MAST4: variants seen among roughly 807,000 people sequenced by gnomAD.
MAST4 encodes the protein microtubule-associated serine/threonine-protein kinase 4.
MAST4 carries 89 observed loss-of-function variants against 162.7 expected under a neutral mutation model. The observed-to-expected ratio is 0.55, with a 90% CI of 0.46 to 0.65. The LOEUF (loss-of-function observed/expected upper bound fraction) is 0.65. MAST4 is among the 30% of genes least tolerant of loss of function. MAST4 has a pLI of 0.00. For synonymous variants in MAST4, 1,479 were observed against 1,361.1 expected, an observed-to-expected ratio of 1.09 and a Z score of -1.91; for missense variants, 3,153 against 3,374.0, an observed-to-expected ratio of 0.93 and a Z score of 1.62.
intron 3 of MAST4, among the ~76,000 whole-genome samples, chr5:66,849,569 G>A (rs1244864364): frequency 6.6e-6 from 1 of 152,060 alleles, no homozygotes; most frequent in Non-Finnish European, 1.5e-5. Flanking sequence ...CCAGGGTAAG[G>A]CGTTCCTTCT....
intron 1 of MAST4, among the ~76,000 whole-genome samples, chr5:66,739,555 C>T (rs1366591971): frequency 6.6e-6 from 1 of 152,162 alleles, no homozygotes. Flanking sequence ...TCTCTTCACT[C>T]CCCCTCAACA....
chr5:66,699,013 A>G lies in MAST4; in HGVS notation c.364-60696A>G, dbSNP rs1305051934. ...TTGTTTAAAGTATAAACCAGTTTATATCATTTCTCTGCTTAGAATCTATTG... is the reference window on the plus strand; with the variant it reads ...TTGTTTAAAGTATAAACCAGTTTATGTCATTTCTCTGCTTAGAATCTATTG... On this transcript the variant is annotated intron_variant, in intron 1 of 28. Transcript: ENST00000403625. 3.9e-5 allele frequency among the ~76,000 whole-genome samples: 6 copies of G among 152,340 alleles called. No homozygotes were observed. In the East Asian group the frequency reaches 9.7e-4, roughly 25 times the overall value.
intron 3 of MAST4, among the ~76,000 whole-genome samples, chr5:66,837,914 T>C (rs1758137856): frequency 7.8e-6 from 1 of 128,454 alleles, no homozygotes; most frequent in Non-Finnish European, 1.7e-5. Context: ...TTTTTTTTTT[T>C]TTTAATGTGG....
rs551778518 is a variant in MAST4 at position 66,796,283 on chromosome 5, C to T, written c.642+7489C>T. ...ATTAGTAGGCATGTGAAGGGTATTG[C>T]GATTCGGTCTAAGAACGAGTGAAGA... On this transcript the variant is annotated intron_variant, in intron 3 of 28. Coordinates refer to ENST00000403625, the MANE Select transcript of MAST4 (RefSeq NM_001164664.2). Among the ~76,000 whole-genome samples the T allele has an allele frequency of 5.3e-5, 8 of 152,252 alleles. 1 individual carries two copies. In the South Asian group the frequency reaches 1.0e-3, roughly 20 times the overall value.
chr5:66,740,618 G>T (rs1752431534), intron 1 of MAST4, among the ~76,000 whole-genome samples: 1 of 152,138 alleles, frequency 6.6e-6, no homozygotes, highest in Non-Finnish European at 1.5e-5. Context: ...GATCTTAGGA[G>T]GCTTACATAA....
At chr5:66,904,897 C>T (rs1361075274) in intron 4 of MAST4, among the ~76,000 whole-genome samples, 2 of 152,044 alleles carry the variant, frequency 1.3e-5, no homozygotes, top group Non-Finnish European at 2.9e-5. Context: ...AGTACCCAAA[C>T]AGTAGTTTTC....
At chr5:66,623,598 C>G (rs79528083) in intron 1 of MAST4, among the ~76,000 whole-genome samples, 3,367 of 152,272 alleles carry the variant, frequency 0.022, 125 homozygotes, top group African/African-American at 0.077. Context: ...ATTAAAAACT[C>G]TGAACCAAAT....
At chr5:66,911,877 AG>A (rs1385912782) in intron 4 of MAST4, among the ~76,000 whole-genome samples, 1 of 152,224 alleles carries the variant, frequency 6.6e-6, no homozygotes, top group Non-Finnish European at 1.5e-5. Flanking sequence ...TGCTCTTTAT[AG>A]TGCAGAAAAA....
intron 4 of MAST4, 95 bp from the exon 5 acceptor site, chr5:67,054,309 G>C: frequency 1.1e-6 from 1 of 906,292 alleles, no homozygotes; most frequent in Non-Finnish European, 1.7e-6. Flanking sequence ...TGAGCAGATA[G>C]GTTGCTCAAC....
At chr5:67,085,067 G>A (rs559554878) in intron 5 of MAST4, among the ~76,000 whole-genome samples, 1 of 152,236 alleles carries the variant, frequency 6.6e-6, no homozygotes, top group South Asian at 2.1e-4. Flanking sequence ...AAGTAAAAAC[G>A]ACTAAAGCTT....
At chr5:66,645,740 T>C (rs78505233) in intron 1 of MAST4, among the ~76,000 whole-genome samples, 2,651 of 152,308 alleles carry the variant, frequency 0.017, 78 homozygotes, top group African/African-American at 0.059. Context: ...GTAAATTAGG[T>C]TTAAAGTTAT....
In MAST4 at chr5:66,624,146, G is replaced by GTTTTTTTTTTTTTTT. The variant is rs200030700; in HGVS notation, c.363+27137_363+27151dup. Among the ~76,000 whole-genome samples the GTTTTTTTTTTTTTTT allele has an allele frequency of 4.7e-4, 42 of 90,126 alleles. 3 individuals are homozygous for GTTTTTTTTTTTTTTT. Among genetic ancestry groups the GTTTTTTTTTTTTTTT allele is most frequent in the Non-Finnish European group, 6.2e-4 (31 of 50,026 alleles). 59.1% of individuals were successfully genotyped at this position (90,126 alleles called of 152,430 possible). ...TTGGAAGAATTAATATTGTTAAAAT[G>GTTTTTTTTTTTTTTT]TTTTTTTTTTTTTTTTTTTTTTTGA... On this transcript the variant is annotated intron_variant, in intron 1 of 28. Transcript: ENST00000403625.
At chr5:66,601,394 A>G (rs972100115) in intron 1 of MAST4, among the ~76,000 whole-genome samples, 2 of 152,218 alleles carry the variant, frequency 1.3e-5, no homozygotes, top group African/African-American at 2.4e-5. Flanking sequence ...AGGGAGCTTC[A>G]ACTCTAGTTG....
At chr5:66,849,504 C>T (rs763887044) in intron 3 of MAST4, among the ~76,000 whole-genome samples, 1 of 152,062 alleles carries the variant, frequency 6.6e-6, no homozygotes, top group African/African-American at 2.4e-5. Context: ...TTCATTTACT[C>T]CATCTCCTCC....
intron 3 of MAST4, among the ~76,000 whole-genome samples, chr5:66,846,570 A>T (rs1258051098): frequency 1.3e-5 from 2 of 152,190 alleles, no homozygotes; most frequent in Non-Finnish European, 2.9e-5. Context: ...CCTGGAGAAA[A>T]TAGAGTTAAT....
intron 1 of MAST4, among the ~76,000 whole-genome samples, chr5:66,747,896 AG>A (rs1219748701): frequency 1.3e-5 from 2 of 152,132 alleles, no homozygotes; most frequent in Admixed American, 1.3e-4. Context: ...CTGAAGGGTG[AG>A]GGGGTGGAGG....
At chr5:66,678,649 C>A (rs1052824646) in intron 1 of MAST4, among the ~76,000 whole-genome samples, 2 of 151,774 alleles carry the variant, frequency 1.3e-5, no homozygotes, top group African/African-American at 2.4e-5. Flanking sequence ...TGCACGCCAC[C>A]ACACTCAGCT....
At chr5:66,789,278 T>A (rs2149675965) in intron 3 of MAST4, among the ~76,000 whole-genome samples, 1 of 152,316 alleles carries the variant, frequency 6.6e-6, no homozygotes, top group South Asian at 2.1e-4. Context: ...ACCTTTGTTA[T>A]CACAGTTATC....
intron 5 of MAST4, among the ~76,000 whole-genome samples, chr5:67,071,320 C>T (rs1194813349): frequency 6.6e-6 from 1 of 152,110 alleles, no homozygotes; most frequent in Non-Finnish European, 1.5e-5. Flanking sequence ...TCAGTCATAC[C>T]TTTCACTGCT....
Sources: allele counts gnomAD v4.1 joint callset (sites outside exome capture counted in the v4.1 genomes callset), GRCh38; gene constraint gnomAD v4.1.1; transcripts MANE v1.5; gene names NCBI Gene and HGNC (gene_info 2026-07-23, HGNC 2026-07-21).